NALF1: variants seen among roughly 807,000 people sequenced by gnomAD.
NALF1 encodes family with sequence similarity 155 member A.
Under a neutral mutation model 48.4 loss-of-function variants are expected in NALF1, and 3 were observed. The ratio of observed to expected loss-of-function variants is 0.06; its 90% CI spans 0.03 to 0.16. The LOEUF (loss-of-function observed/expected upper bound fraction) is 0.16. NALF1 is among the 10% of genes least tolerant of loss of function. NALF1 has a pLI of 1.00. For missense variants in NALF1, 526 were observed against 571.5 expected, an observed-to-expected ratio of 0.92 and a Z score of 0.81; for synonymous variants, 262 against 245.7, an observed-to-expected ratio of 1.07 and a Z score of -0.62.
At chr13:107,368,831 G>A (rs111516562) in intron 1 of NALF1, among the ~76,000 whole-genome samples, 2,564 of 152,268 alleles carry the variant, frequency 0.017, 29 homozygotes, top group Non-Finnish European at 0.025. Flanking sequence ...TCTTTTGGGG[G>A]CCACTATTCA....
intron 1 of NALF1, among the ~76,000 whole-genome samples, chr13:107,301,300 T>C (rs1881832528): frequency 1.3e-5 from 2 of 152,178 alleles, no homozygotes; most frequent in African/African-American, 4.8e-5. Context: ...AAAGGACCAC[T>C]CAGCAATCTG....
intron 1 of NALF1, among the ~76,000 whole-genome samples, chr13:107,695,902 T>TTC (rs1437316484): frequency 6.6e-6 from 1 of 151,330 alleles, no homozygotes; most frequent in Non-Finnish European, 1.5e-5. Context: ...TATATTCTTT[T>TTC]TTTTTTTTTC....
At chr13:107,704,042 A>C (rs1336956582) in intron 1 of NALF1, among the ~76,000 whole-genome samples, 1 of 152,214 alleles carries the variant, frequency 6.6e-6, no homozygotes, top group Non-Finnish European at 1.5e-5. Flanking sequence ...GGAAATTAAA[A>C]AGGCACTCCT....
chr13:107,675,440 T>A (rs1294830167), intron 1 of NALF1, among the ~76,000 whole-genome samples: 1 of 152,230 alleles, frequency 6.6e-6, no homozygotes, highest in African/African-American at 2.4e-5. Flanking sequence ...AGGAAATCTT[T>A]ATGTATCTGT....
At chr13:107,859,042 G>A (rs1019668339) in intron 1 of NALF1, among the ~76,000 whole-genome samples, 1 of 152,168 alleles carries the variant, frequency 6.6e-6, no homozygotes, top group African/African-American at 2.4e-5. Flanking sequence ...TGAAGGTACA[G>A]AGAAGAAAAG....
chr13:107,417,631 G>A (rs192330497), intron 1 of NALF1, among the ~76,000 whole-genome samples: 2 of 152,184 alleles, frequency 1.3e-5, no homozygotes, highest in Non-Finnish European at 2.9e-5. Flanking sequence ...ATCCATGTAC[G>A]GCAGTAACAA....
intron 1 of NALF1, among the ~76,000 whole-genome samples, 182 bp from the exon 2 acceptor site, chr13:107,210,937 C>G (rs757233515): frequency 6.6e-6 from 1 of 152,004 alleles, no homozygotes; most frequent in Non-Finnish European, 1.5e-5. Flanking sequence ...CGAAAGTCTC[C>G]GCAATAAAAG....
intron 1 of NALF1, among the ~76,000 whole-genome samples, chr13:107,685,315 G>GA (rs1313863705): frequency 3.3e-5 from 5 of 151,756 alleles, no homozygotes; most frequent in Non-Finnish European, 5.9e-5. Context: ...ACCGTCTCAG[G>GA]AAAAAAACAA....
chr13:107,353,058 C>G lies in NALF1; in HGVS notation c.916-142303G>C, dbSNP rs564287460. ...CCTTTGTACCCATGCAGCTTCTCCC[C>G]TCACCTTCCTTCTGCCTCCTGACTG... On this transcript the variant is annotated intron_variant, in intron 1 of 2. Transcript: ENST00000375915. 4.9e-4 allele frequency among the ~76,000 whole-genome samples: 74 copies of G among 152,202 alleles called. 1 individual carries two copies. The highest frequency in any genetic ancestry group is 1.6e-3 in the African/African-American group (67 of 41,534).
intron 1 of NALF1, among the ~76,000 whole-genome samples, chr13:107,330,274 C>G (rs1460302789): frequency 6.6e-6 from 1 of 152,174 alleles, no homozygotes; most frequent in African/African-American, 2.4e-5. Context: ...GAATTTGAAA[C>G]GTTGTCTACT....
chr13:107,718,679 T>C (rs1325500378), intron 1 of NALF1, among the ~76,000 whole-genome samples: 1 of 152,204 alleles, frequency 6.6e-6, no homozygotes, highest in Non-Finnish European at 1.5e-5. Flanking sequence ...CAGTGTGATG[T>C]AGATCCAACT....
intron 1 of NALF1, among the ~76,000 whole-genome samples, chr13:107,455,744 TA>T (rs1334301261): frequency 1.3e-5 from 2 of 152,222 alleles, no homozygotes; most frequent in Non-Finnish European, 1.5e-5. Context: ...TTTGTCTTCA[TA>T]GATTTGCCTT....
intron 1 of NALF1, among the ~76,000 whole-genome samples, chr13:107,621,813 C>T (rs2138441134): frequency 6.6e-6 from 1 of 152,208 alleles, no homozygotes; most frequent in South Asian, 2.1e-4. Context: ...ACAGCTGAGG[C>T]CGGAATTCAA....
intron 1 of NALF1, among the ~76,000 whole-genome samples, chr13:107,690,107 T>C (rs1259646992): frequency 1.3e-5 from 2 of 152,148 alleles, no homozygotes; most frequent in Non-Finnish European, 2.9e-5. Flanking sequence ...TTCCTATATT[T>C]TTTACACATG....
chr13:107,370,242 C>T (rs1365254926), intron 1 of NALF1, among the ~76,000 whole-genome samples: 4 of 152,164 alleles, frequency 2.6e-5, no homozygotes, highest in East Asian at 1.9e-4. Flanking sequence ...GCTTCCTATC[C>T]GGTGAACAGC....
At chr13:107,329,122 A>T (rs562640134) in intron 1 of NALF1, among the ~76,000 whole-genome samples, 8 of 152,348 alleles carry the variant, frequency 5.3e-5, no homozygotes, top group African/African-American at 1.7e-4. Context: ...AATGTGCAAC[A>T]TTCAAGAACA....
At chr13:107,498,958 C>T (rs1167267924) in intron 1 of NALF1, among the ~76,000 whole-genome samples, 2 of 152,100 alleles carry the variant, frequency 1.3e-5, no homozygotes, top group African/African-American at 4.8e-5. Flanking sequence ...TTTTAAATGT[C>T]ATTAGGGCTT....
chr13:107,650,616 A>C (rs1258387666), intron 1 of NALF1, among the ~76,000 whole-genome samples: 13 of 152,036 alleles, frequency 8.6e-5, no homozygotes, highest in African/African-American at 2.7e-4. Flanking sequence ...AAAACTGCAA[A>C]TATGGTGTGG....
intron 1 of NALF1, among the ~76,000 whole-genome samples, chr13:107,321,877 C>G (rs970897953): frequency 6.7e-6 from 1 of 148,874 alleles, no homozygotes; most frequent in Non-Finnish European, 1.5e-5. Context: ...CCTAAAAAAA[C>G]GGTATATATT....
Sources: allele counts gnomAD v4.1 joint callset (sites outside exome capture counted in the v4.1 genomes callset), GRCh38; gene constraint gnomAD v4.1.1; transcripts MANE v1.5; gene names NCBI Gene and HGNC (gene_info 2026-07-23, HGNC 2026-07-21).